Variants in GPM6B observed in about 807,000 individuals in gnomAD.
The protein encoded by GPM6B is glycoprotein M6B, also known as neuronal membrane glycoprotein M6-b.
In GPM6B, 4 loss-of-function variants were observed where a neutral mutation model predicts 27.2. The ratio of observed to expected loss-of-function variants is 0.15; its 90% CI spans 0.07 to 0.34. The LOEUF is 0.34. GPM6B is among the 10% of genes least tolerant of loss of function. GPM6B has a pLI of 1.00. For missense variants in GPM6B, 183 were observed against 261.9 expected, an observed-to-expected ratio of 0.70 and a Z score of 2.08; for synonymous variants, 124 against 103.1, an observed-to-expected ratio of 1.20 and a Z score of -1.23.
chrX:13,839,318 C>A (rs908407626), intron 1 of GPM6B, among the ~76,000 whole-genome samples: 1 of 106,791 alleles, frequency 9.4e-6, no homozygotes, highest in Non-Finnish European at 1.9e-5. Flanking sequence ...CTGGACTGAA[C>A]CAATCTTACA....
intron 2 of GPM6B, among the ~76,000 whole-genome samples, chrX:13,801,694 T>C (rs192936895): frequency 8.9e-4 from 99 of 111,616 alleles, no homozygotes; most frequent in African/African-American, 3.0e-3. Flanking sequence ...TCTCGATTTA[T>C]TGCCACTGGG....
intron 1 of GPM6B, among the ~76,000 whole-genome samples, chrX:13,826,413 A>G (rs999836467): frequency 8.9e-6 from 1 of 111,753 alleles, no homozygotes; most frequent in Non-Finnish European, 1.9e-5. Context: ...TAGCTTTAAG[A>G]AAGTTTCTGG....
chrX:13,812,880 CGTT>C (rs2049164191), intron 1 of GPM6B: 1 of 106,145 alleles, frequency 9.4e-6, no homozygotes, highest in Non-Finnish European at 1.9e-5. Context: ...CCAAATGGCT[CGTT>C]GAGATCTTTT....
At chrX:13,879,745 A>C (rs913676440) in intron 1 of GPM6B, among the ~76,000 whole-genome samples, 1 of 112,192 alleles carries the variant, frequency 8.9e-6, no homozygotes, top group African/African-American at 3.2e-5. Context: ...CATCTCTAGC[A>C]GCAAAAAACA....
At chrX:13,908,551 G>C (rs1031414100) in intron 1 of GPM6B, among the ~76,000 whole-genome samples, 9 of 112,251 alleles carry the variant, frequency 8.0e-5, no homozygotes, top group South Asian at 3.7e-4. Context: ...GTGAGATCCT[G>C]AATTGGATCC....
At chrX:13,932,440 T>C (rs1921620765) in intron 1 of GPM6B, among the ~76,000 whole-genome samples, 1 of 112,575 alleles carries the variant, frequency 8.9e-6, no homozygotes, top group Non-Finnish European at 1.9e-5. Flanking sequence ...ACTTTTATTA[T>C]AGTTGTTTAT....
chrX:13,915,113 C>T (rs1431114275), intron 1 of GPM6B, among the ~76,000 whole-genome samples: 1 of 109,070 alleles, frequency 9.2e-6, no homozygotes, highest in African/African-American at 3.4e-5. Flanking sequence ...ACCAGAAATA[C>T]AAAAATTAGC....
intron 1 of GPM6B, among the ~76,000 whole-genome samples, chrX:13,847,753 C>G (rs150359441): frequency 8.9e-6 from 1 of 112,133 alleles, no homozygotes; most frequent in Non-Finnish European, 1.9e-5. Flanking sequence ...ACGATTTAAA[C>G]ACTGATTTTT....
At chrX:13,919,551 C>T (rs775137636) in intron 1 of GPM6B, among the ~76,000 whole-genome samples, 1 of 112,106 alleles carries the variant, frequency 8.9e-6, no homozygotes, top group South Asian at 3.7e-4. Context: ...TAAACATAAG[C>T]ACCTGACATT....
intron 1 of GPM6B, among the ~76,000 whole-genome samples, chrX:13,889,288 A>G (rs1195758640): frequency 1.8e-5 from 2 of 112,011 alleles, no homozygotes; most frequent in African/African-American, 6.5e-5. Context: ...TACTAAATAC[A>G]AATGTGTGGA....
chrX:13,878,195 C>T (rs747300525), intron 1 of GPM6B, among the ~76,000 whole-genome samples: 15 of 108,956 alleles, frequency 1.4e-4, no homozygotes, highest in Admixed American at 5.9e-4. Context: ...CAAACTCTTA[C>T]GAATATTCTA....
At chrX:13,808,996 G>A (rs973285153) in intron 1 of GPM6B, among the ~76,000 whole-genome samples, 1 of 112,293 alleles carries the variant, frequency 8.9e-6, no homozygotes, top group African/African-American at 3.2e-5. Flanking sequence ...GATAAGATCA[G>A]AACTGCACAA....
chrX:13,773,979 TC>T (rs1555909937), intron 7 of GPM6B: 1 of 689,733 alleles, frequency 1.4e-6, no homozygotes, highest in Non-Finnish European at 1.7e-6. Context: ...TTTTTTTTTT[TC>T]CAGAGAACTG....
intron 1 of GPM6B, among the ~76,000 whole-genome samples, chrX:13,833,982 C>T (rs1183051462): frequency 8.9e-6 from 1 of 112,730 alleles, no homozygotes; most frequent in African/African-American, 3.2e-5. Flanking sequence ...ACCACACAGA[C>T]ATTTAAGATG....
chrX:13,916,177 C>T (rs1293874805), intron 1 of GPM6B, among the ~76,000 whole-genome samples: 2 of 110,984 alleles, frequency 1.8e-5, no homozygotes, highest in Admixed American at 1.9e-4. Flanking sequence ...TCTGAGCCAT[C>T]AAAAAAAGAT....
chrX:13,829,510 T>C (rs896877759), intron 1 of GPM6B, among the ~76,000 whole-genome samples: 5 of 111,501 alleles, frequency 4.5e-5, no homozygotes, highest in Admixed American at 3.8e-4. Flanking sequence ...GACTAGCTGG[T>C]GATTTCACGT....
At chrX:13,890,072 A>T (rs1346609752) in intron 1 of GPM6B, among the ~76,000 whole-genome samples, 1 of 111,832 alleles carries the variant, frequency 8.9e-6, no homozygotes, top group Non-Finnish European at 1.9e-5. Context: ...CTGCATTCTC[A>T]GATGGTTAAG....
At chrX:13,819,372 T>C (rs146192822), upstream of GPM6B, among the ~76,000 whole-genome samples, 2,409 of 112,165 alleles carry the variant, frequency 0.021, 47 homozygotes, top group African/African-American at 0.063. Flanking sequence ...TTCTGAGATA[T>C]GCATCCATTT....
At chrX:13,869,591 C>T (rs1459983726) in intron 1 of GPM6B, among the ~76,000 whole-genome samples, 2 of 111,493 alleles carry the variant, frequency 1.8e-5, no homozygotes, top group African/African-American at 6.5e-5. Flanking sequence ...GATTGTCGAA[C>T]CAATGGTCTC....
Sources: gnomAD v4.1 joint callset for allele counts (sites outside exome capture counted in the v4.1 genomes callset) on GRCh38, gnomAD v4.1.1 for gene constraint, MANE v1.5 for transcripts, NCBI Gene and HGNC (gene_info 2026-07-23, HGNC 2026-07-21) for gene names.